PPARD: variants seen among roughly 807,000 people sequenced by gnomAD.
PPARD encodes peroxisome proliferator activated receptor delta, also known as peroxisome proliferator-activated receptor delta.
In PPARD, 6 loss-of-function variants were observed where a neutral mutation model predicts 39.5. The ratio of observed to expected loss-of-function variants is 0.15; its 90% CI spans 0.08 to 0.30. PPARD has a LOEUF of 0.30. Ranked by LOEUF, PPARD falls within the 10% of genes least tolerant of loss-of-function variation. The pLI, the probability that PPARD is intolerant of heterozygous loss-of-function variation, is 1.00. For synonymous variants in PPARD, 210 were observed against 231.3 expected, an observed-to-expected ratio of 0.91 and a Z score of 0.83; for missense variants, 397 against 596.8, an observed-to-expected ratio of 0.67 and a Z score of 3.49.
chr6:35,393,588 G>A (rs1312254984), intron 2 of PPARD, among the ~76,000 whole-genome samples: 1 of 152,198 alleles, frequency 6.6e-6, no homozygotes, highest in East Asian at 1.9e-4. Context: ...TTACTGAGAA[G>A]TGGGCTGTCA....
chr6:35,381,622 A>G (rs1165814132), intron 2 of PPARD, among the ~76,000 whole-genome samples: 1 of 152,162 alleles, frequency 6.6e-6, no homozygotes, highest in African/African-American at 2.4e-5. Context: ...AAAAGAACAC[A>G]TGCTCCATCT....
Position 35,424,415 on chromosome 6 carries a change from C to T in PPARD, c.714C>T (p.Tyr238=). ...WKQLVNGLPP[Y]KEISVHVFYR... ...AGTTGGTGAATGGCCTGCCTCCCTA[C>T]AAGGAGATCAGCGTGCACGTCTTCT... Residue 238 remains tyrosine (Y), a synonymous_variant, in exon 7 of 8, where the codon TAC becomes TAT. Transcript: ENST00000360694. The surrounding 1 kb of genome is among the most constrained non-coding windows in gnomAD (Gnocchi z 7.1). The T allele has an allele frequency of 1.2e-6, 2 of 1,614,164 alleles. No individual in the cohort carries two copies. The highest frequency in any genetic ancestry group is 1.7e-6 in the Non-Finnish European group (2 of 1,180,024).
intron 3 of PPARD, 26 bp downstream of exon 3, chr6:35,411,243 C>A: frequency 6.8e-7 from 1 of 1,478,580 alleles, no homozygotes; most frequent in Non-Finnish European, 9.0e-7. Flanking sequence ...GCAGGGGACA[C>A]GGGGCAGAGG....
intron 2 of PPARD, among the ~76,000 whole-genome samples, chr6:35,359,821 G>C (rs1761834514): frequency 1.3e-5 from 2 of 152,190 alleles, no homozygotes; most frequent in African/African-American, 4.8e-5. Context: ...TTAGAGATGA[G>C]GATACTGAGG....
intron 2 of PPARD, among the ~76,000 whole-genome samples, chr6:35,406,685 T>G (rs1303959111): frequency 6.6e-6 from 1 of 152,078 alleles, no homozygotes; most frequent in African/African-American, 2.4e-5. Context: ...TGGTCCCAAA[T>G]TCAGAACTCT....
chr6:35,397,144 C>A (rs1371145038), intron 2 of PPARD, among the ~76,000 whole-genome samples: 1 of 151,966 alleles, frequency 6.6e-6, no homozygotes, highest in African/African-American at 2.4e-5. Context: ...AAAATATAAA[C>A]GTTTTAAAGG....
chr6:35,402,480 G>A (rs942960370), intron 2 of PPARD, among the ~76,000 whole-genome samples: 4 of 152,160 alleles, frequency 2.6e-5, no homozygotes, highest in African/African-American at 9.7e-5. Flanking sequence ...TCCTATCCCT[G>A]GTGAAGAGTA....
chr6:35,417,636 A>T (rs1018922253), intron 3 of PPARD, among the ~76,000 whole-genome samples: 12 of 151,468 alleles, frequency 7.9e-5, no homozygotes, highest in Admixed American at 5.9e-4. Context: ...GGTTCAAGTG[A>T]TTCTCCTTCC....
intron 2 of PPARD, among the ~76,000 whole-genome samples, chr6:35,394,779 C>A (rs1212154797): frequency 6.7e-6 from 1 of 150,036 alleles, no homozygotes; most frequent in Non-Finnish European, 1.5e-5. Flanking sequence ...TCCCCGCCCC[C>A]CCCACCAAAA....
At chr6:35,360,481 CAG>C (rs1218097064) in intron 2 of PPARD, among the ~76,000 whole-genome samples, 4 of 152,172 alleles carry the variant, frequency 2.6e-5, no homozygotes, top group African/African-American at 9.7e-5. Context: ...GGTGTAGGAT[CAG>C]AGAGGTTAAC....
chr6:35,377,372 C>T (rs1335542372), intron 2 of PPARD, among the ~76,000 whole-genome samples: 2 of 152,218 alleles, frequency 1.3e-5, no homozygotes, highest in East Asian at 1.9e-4. Flanking sequence ...AATTTAGTCC[C>T]GTATCCTACT....
At chr6:35,374,221 A>G (rs1463187551) in intron 2 of PPARD, among the ~76,000 whole-genome samples, 1 of 150,216 alleles carries the variant, frequency 6.7e-6, no homozygotes, top group East Asian at 1.9e-4. Context: ...CACTTTTCAC[A>G]TCACCCAGCA....
Position 35,425,167 on chromosome 6 carries a change from G to C in PPARD, c.1078+388G>C. 1 of 808,674 alleles carries C rather than the reference G, an allele frequency of 1.2e-6. No homozygotes were observed. The highest frequency in any genetic ancestry group is 1.5e-6 in the Non-Finnish European group (1 of 649,078). 50.1% of individuals were successfully genotyped at this position (808,674 alleles called of 1,614,324 possible). ...CACGCGCCTGTAATCCCAGCTACTTGGGAGGCTGAGCCAGGAGAATCGCTT... is the reference window on the plus strand; with the variant it reads ...CACGCGCCTGTAATCCCAGCTACTTCGGAGGCTGAGCCAGGAGAATCGCTT... On this transcript the variant is annotated intron_variant, in intron 7 of 7. Coordinates refer to ENST00000360694, the MANE Select transcript of PPARD (RefSeq NM_006238.5). This position sits in a 1 kb window ranked among gnomAD's most constrained non-coding sequence, Gnocchi z 4.5.
At position 35,411,073 on chromosome 6, in the gene PPARD, G is replaced by A. The variant is rs373903534; in HGVS notation, c.-15G>A. ...TGACTGGGCCTGCAGGTGTGGCGCC[G>A]AGGGGAGATCAGCCATGGAGCAGCC... On this transcript the variant is annotated 5_prime_UTR_variant, in exon 3 of 8. Transcript: ENST00000360694. 1.8e-5 allele frequency: 27 copies of A among 1,504,730 alleles called. No homozygotes were observed. The African/African-American group carries it at 2.8e-4, about 16-fold the overall frequency. 93.2% of individuals were successfully genotyped at this position (1,504,730 alleles called of 1,614,324 possible). A position where few individuals can be genotyped will look rare whatever the true frequency, so the allele number is the denominator to read the frequency against.
rs566997790 is a variant in PPARD at position 35,394,785 on chromosome 6, C to CAAA, written c.-101-16190_-101-16188dup. On this transcript the variant is annotated intron_variant, in intron 2 of 7. Transcript: ENST00000360694. ...GACCCTGTCTCCCCGCCCCCCCCACCAAAAAAAAAAAAAATCAGATAAGCA... is the reference window on the plus strand; with the variant it reads ...GACCCTGTCTCCCCGCCCCCCCCACCAAAAAAAAAAAAAAAAATCAGATAAGCA... Among the ~76,000 whole-genome samples the CAAA allele has an allele frequency of 9.7e-3, 1,194 of 123,348 alleles. 3 individuals are homozygous for CAAA. The highest frequency in any genetic ancestry group is 0.016 in the South Asian group (59 of 3,748). The allele number at this position is 123,348 out of a possible 152,430, so 80.9% of individuals were successfully genotyped here. A position where few individuals can be genotyped will look rare whatever the true frequency, so the allele number is the denominator to read the frequency against.
At chr6:35,408,207 T>C (rs1477596647) in intron 2 of PPARD, among the ~76,000 whole-genome samples, 1 of 152,178 alleles carries the variant, frequency 6.6e-6, no homozygotes, top group Non-Finnish European at 1.5e-5. Context: ...GGCAGAAGTT[T>C]GTCTCTCTAT....
chr6:35,346,160 T>C (rs961501104), intron 1 of PPARD, among the ~76,000 whole-genome samples: 1 of 152,108 alleles, frequency 6.6e-6, no homozygotes, highest in Non-Finnish European at 1.5e-5. Context: ...ATTACAGGCG[T>C]GAGCCACCAC....
chr6:35,353,971 G>A (rs901286467), intron 2 of PPARD, among the ~76,000 whole-genome samples: 3 of 152,104 alleles, frequency 2.0e-5, no homozygotes, highest in Non-Finnish European at 4.4e-5. Context: ...CATGGCTCAC[G>A]CCTGTAATCT....
intron 2 of PPARD, among the ~76,000 whole-genome samples, chr6:35,404,084 A>G (rs1193787133): frequency 6.6e-6 from 1 of 152,226 alleles, no homozygotes; most frequent in Non-Finnish European, 1.5e-5. Flanking sequence ...TGATGGCTCC[A>G]GACTGAGACT....
Sources: gnomAD v4.1 joint callset for allele counts (sites outside exome capture counted in the v4.1 genomes callset) on GRCh38, gnomAD v4.1.1 for gene constraint, Gnocchi (gnomAD v3.1) non-coding constraint, MANE v1.5 for transcripts, NCBI Gene and HGNC (gene_info 2026-07-23, HGNC 2026-07-21) for gene names.